FMO5: variants seen among roughly 807,000 people sequenced by gnomAD.
FMO5 encodes the protein flavin-containing monooxygenase 5.
In FMO5, 51 loss-of-function variants were observed where a neutral mutation model predicts 43.6. The ratio of observed to expected loss-of-function variants is 1.17; its 90% confidence interval spans 0.93 to 1.48. The LOEUF (loss-of-function observed/expected upper bound fraction) is 1.48, where lower values mean the gene tolerates loss of function less well. Among genes scored for constraint, FMO5 ranks in the 40% most tolerant of loss-of-function variants. The probability of loss-of-function intolerance (pLI) is 0.00; values close to 1 mark genes in which losing one functional copy is unlikely to be tolerated. For synonymous variants in FMO5, 187 were observed against 216.5 expected (o/e 0.86, Z 1.20); for missense variants, 644 against 643.0 (o/e 1.00, Z -0.02).
intron 6 of FMO5, among the ~76,000 whole-genome samples, chr1:147,205,390 T>C (rs1484479826): frequency 6.6e-6 from 1 of 152,190 alleles, no homozygotes; most frequent in Non-Finnish European, 1.5e-5. Flanking sequence ...TGACATAATG[T>C]GGTTCTTGAT....
intron 6 of FMO5, among the ~76,000 whole-genome samples, chr1:147,206,086 C>G (rs1396072882): frequency 1.1e-4 from 16 of 150,482 alleles, no homozygotes; most frequent in African/African-American, 4.0e-4. Context: ...AACAAACAAC[C>G]CCATCAAAAA....
chr1:147,191,465 G>A (rs1219066657), intron 7 of FMO5, among the ~76,000 whole-genome samples: 1 of 151,948 alleles, frequency 6.6e-6, no homozygotes, highest in East Asian at 1.9e-4. Context: ...TGTATTTTTT[G>A]GCTGCATAAA....
chr1:147,203,390 C>T (rs1352519149), intron 6 of FMO5: 16 of 1,029,146 alleles, frequency 1.6e-5, no homozygotes, highest in Admixed American at 1.2e-4. Context: ...GCATTAGCAG[C>T]GAGTTTGATA....
At position 147,209,189 on chromosome 1, in the gene FMO5, G is replaced by C. The variant is rs587666492; in HGVS notation, c.631-138C>G. 165 of 584,574 alleles carry C rather than the reference G, an allele frequency of 2.8e-4. No individual in the cohort carries two copies. In the African/African-American group the frequency reaches 3.0e-3, roughly 11 times the overall value. 36.2% of individuals were successfully genotyped at this position (584,574 alleles called of 1,614,324 possible). On this transcript the variant is annotated intron_variant, in intron 5 of 8. Coordinates refer to ENST00000254090, the MANE Select transcript of FMO5 (RefSeq NM_001461.4). ...AATCCCAGCACTTTGGGAGGCCAAGGCGGGCGGATCACGAGGTCAGGAGAT... is the reference window on the plus strand; with the variant it reads ...AATCCCAGCACTTTGGGAGGCCAAGCCGGGCGGATCACGAGGTCAGGAGAT...
At chr1:147,212,068 C>G (rs1465335992) in intron 5 of FMO5, among the ~76,000 whole-genome samples, 1 of 152,080 alleles carries the variant, frequency 6.6e-6, no homozygotes, top group African/African-American at 2.4e-5. Flanking sequence ...AACAACCTCT[C>G]CCAGCAATTA....
intron 6 of FMO5, chr1:147,208,619 A>C (rs1660534640): frequency 2.7e-6 from 1 of 368,102 alleles, no homozygotes; most frequent in African/African-American, 2.1e-5. Flanking sequence ...TTGTGTTTTT[A>C]GTAGAGATGG....
chr1:147,225,051 G>A lies in FMO5; in HGVS notation c.-22C>T. 2 of 1,614,034 alleles carry A rather than the reference G, an allele frequency of 1.2e-6. No homozygotes were observed. Among genetic ancestry groups the A allele is most frequent in the Admixed American group, 1.7e-5 (1 of 60,026 alleles). ...TCATGGTCTCCCGAGATCTTCACCT[G>A]TTAGTGTCGCCTGTCCTAAAGAAAG... On this transcript the variant is annotated 5_prime_UTR_variant, in exon 2 of 9. Transcript: ENST00000254090.
At chr1:147,214,235 C>G (rs908413063) in intron 3 of FMO5, among the ~76,000 whole-genome samples, 1 of 151,846 alleles carries the variant, frequency 6.6e-6, no homozygotes, top group Non-Finnish European at 1.5e-5. Context: ...GTGAATCACC[C>G]GAGGTCAGGA....
At position 147,204,884 on chromosome 1, in the gene FMO5, C is replaced by T. The variant is rs970110128; in HGVS notation, c.831-3380G>A. 16 of 1,588,306 alleles carry T rather than the reference C, an allele frequency of 1.0e-5. No homozygotes were observed. The African/African-American group carries it at 1.9e-4, about 19-fold the overall frequency. On this transcript the variant is annotated intron_variant, in intron 6 of 8. Transcript: ENST00000254090. ...AATTCTGAAAAGTGTTTCGCTCCCT[C>T]CTTGAGCATCTGGGCGAAGCCCGGA...
At chr1:147,224,078 A>C (rs1663562985) in intron 2 of FMO5, 1 of 366,436 alleles carries the variant, frequency 2.7e-6, no homozygotes, top group Non-Finnish European at 5.3e-6. Context: ...CCTGTGTCCC[A>C]AAATGGGGGT....
intron 6 of FMO5, among the ~76,000 whole-genome samples, chr1:147,207,112 C>G (rs1660233174): frequency 1.3e-5 from 2 of 151,956 alleles, no homozygotes; most frequent in Non-Finnish European, 1.5e-5. Context: ...TGTTAAATTT[C>G]CCACGTGTGA....
intron 3 of FMO5, among the ~76,000 whole-genome samples, chr1:147,214,042 A>T (rs1661519182): frequency 1.3e-5 from 2 of 152,228 alleles, no homozygotes; most frequent in African/African-American, 4.8e-5. Context: ...GAAACAGGAT[A>T]GTGTTATGAT....
chr1:147,192,425 G>A (rs1209272570), intron 7 of FMO5, among the ~76,000 whole-genome samples: 7 of 152,202 alleles, frequency 4.6e-5, no homozygotes, highest in African/African-American at 1.7e-4. Context: ...AGACAATGGG[G>A]TTTTCTAGAT....
chr1:147,212,147 T>C (rs1661178067), intron 5 of FMO5, among the ~76,000 whole-genome samples: 3 of 152,350 alleles, frequency 2.0e-5, no homozygotes, highest in Non-Finnish European at 4.4e-5. Context: ...GCCCAGACTT[T>C]AGCTGATCCA....
At chr1:147,207,608 A>G (rs1660325414) in intron 6 of FMO5, among the ~76,000 whole-genome samples, 1 of 152,126 alleles carries the variant, frequency 6.6e-6, no homozygotes, top group South Asian at 2.1e-4. Flanking sequence ...AAAATTACTT[A>G]GTTTCTCTAC....
intron 7 of FMO5, among the ~76,000 whole-genome samples, chr1:147,196,355 T>C (rs587635346): frequency 6.6e-6 from 1 of 152,254 alleles, no homozygotes; most frequent in East Asian, 1.9e-4. Flanking sequence ...TCTCTTCGGA[T>C]ACTCAAAATA....
chr1:147,226,321 C>A (rs587700619), upstream of FMO5, among the ~76,000 whole-genome samples: 1 of 152,034 alleles, frequency 6.6e-6, no homozygotes, highest in South Asian at 2.1e-4. Flanking sequence ...CTTTTAAATC[C>A]CCATGCACTG....
intron 6 of FMO5, among the ~76,000 whole-genome samples, chr1:147,207,601 ATTAC>A (rs782694691): frequency 2.0e-4 from 31 of 152,094 alleles, no homozygotes; most frequent in Non-Finnish European, 3.5e-4. Flanking sequence ...CCTCGGGAAA[ATTAC>A]TTAGTTTCTC....
rs1246701085 is a variant in FMO5, at chr1:147,209,721, CGCTGACTATTCAG to C, written c.631-683_631-671del. 6 of 152,340 alleles carry C rather than the reference CGCTGACTATTCAG, an allele frequency of 3.9e-5. No individual in the cohort carries two copies. The East Asian group carries it at 9.7e-4, about 25-fold the overall frequency. 9.4% of individuals were successfully genotyped at this position (152,340 alleles called of 1,614,324 possible). On this transcript the variant is annotated intron_variant, in intron 5 of 8. Coordinates refer to ENST00000254090, the MANE Select transcript of FMO5 (RefSeq NM_001461.4). The stretch of plus-strand genomic sequence containing the variant: ...AAGACTGCCTCCTCCATGAAGAAAC[CGCTGACTATTCAG>C]GCTGACAATTTTCTCTCCATCCTCT...
Sources: allele counts gnomAD v4.1 joint callset (sites outside exome capture counted in the v4.1 genomes callset), GRCh38; gene constraint gnomAD v4.1.1; transcripts MANE v1.5; gene names NCBI Gene and HGNC (gene_info 2026-07-23, HGNC 2026-07-21).